LRRTM4: variants seen among roughly 807,000 people sequenced by gnomAD.
LRRTM4 encodes the protein leucine-rich repeat transmembrane neuronal protein 4.
A neutral mutation model predicts 47.6 loss-of-function variants in LRRTM4; 25 were observed. The observed-to-expected ratio is 0.53, with a 90% CI of 0.38 to 0.73. The LOEUF (loss-of-function observed/expected upper bound fraction) is 0.73. Among genes scored for constraint, LRRTM4 ranks in the 30% least tolerant of loss-of-function variants. The pLI is 0.00. For synonymous variants in LRRTM4, 311 were observed against 269.5 expected, an observed-to-expected ratio of 1.15 and a Z score of -1.51; for missense variants, 638 against 713.4, an observed-to-expected ratio of 0.89 and a Z score of 1.20.
rs76653108 is a variant in LRRTM4, at chr2:76,862,636, C to T, written c.1552-113720G>A. Among the ~76,000 whole-genome samples the T allele has an allele frequency of 3.8e-3, 578 of 152,226 alleles. 3 individuals are homozygous for T. Among genetic ancestry groups the T allele is most frequent in the African/African-American group, 0.014 (562 of 41,546 alleles). On this transcript the variant is annotated intron_variant, in intron 3 of 3. Coordinates refer to ENST00000409884, the MANE Select transcript of LRRTM4 (RefSeq NM_001134745.3). Reference sequence around the variant, plus strand: ...AGGGAAAATATCTCACACACGCGTGCGCGCGCACACACACACAAACACACA... The same window carrying T: ...AGGGAAAATATCTCACACACGCGTGTGCGCGCACACACACACAAACACACA...
intron 3 of LRRTM4, among the ~76,000 whole-genome samples, chr2:77,064,583 G>A (rs1017857191): frequency 1.3e-5 from 2 of 152,142 alleles, no homozygotes; most frequent in African/African-American, 4.8e-5. Context: ...AGAGAAGTAT[G>A]TGCATATCTT....
chr2:76,941,411 C>A (rs1307592981), intron 3 of LRRTM4, among the ~76,000 whole-genome samples: 3 of 151,962 alleles, frequency 2.0e-5, no homozygotes, highest in Non-Finnish European at 4.4e-5. Context: ...GTTTGCTGCA[C>A]CCATCAGCCC....
At chr2:76,804,136 G>T (rs981161290) in intron 3 of LRRTM4, among the ~76,000 whole-genome samples, 25 of 152,130 alleles carry the variant, frequency 1.6e-4, no homozygotes, top group Non-Finnish European at 2.9e-4. Context: ...ACCTGTGAGT[G>T]TGACTACATG....
At chr2:77,016,298 A>C (rs1048810450) in intron 3 of LRRTM4, among the ~76,000 whole-genome samples, 1 of 151,468 alleles carries the variant, frequency 6.6e-6, no homozygotes, top group Non-Finnish European at 1.5e-5. Flanking sequence ...AGGCAAAAGA[A>C]TTGCTTGAAC....
At chr2:77,168,039 TA>T (rs554061694) in intron 3 of LRRTM4, among the ~76,000 whole-genome samples, 161 of 152,272 alleles carry the variant, frequency 1.1e-3, no homozygotes, top group Non-Finnish European at 2.0e-3. Flanking sequence ...GAATTTAAGA[TA>T]AATTTATATT....
At chr2:76,940,747 T>C (rs1471098425) in intron 3 of LRRTM4, among the ~76,000 whole-genome samples, 2 of 152,140 alleles carry the variant, frequency 1.3e-5, no homozygotes, top group Non-Finnish European at 2.9e-5. Flanking sequence ...TGAAAGTGAG[T>C]GTGTGGATGA....
intron 3 of LRRTM4, among the ~76,000 whole-genome samples, chr2:77,040,504 C>T (rs1678990995): frequency 6.6e-6 from 1 of 151,308 alleles, no homozygotes; most frequent in Non-Finnish European, 1.5e-5. Flanking sequence ...GGTCATCAAG[C>T]TTGTGTTTTG....
At chr2:77,175,877 T>C (rs1452666758) in intron 3 of LRRTM4, among the ~76,000 whole-genome samples, 1 of 152,104 alleles carries the variant, frequency 6.6e-6, no homozygotes, top group Non-Finnish European at 1.5e-5. Flanking sequence ...CAGGCTGGTC[T>C]CGAACTCCTG....
At chr2:76,907,897 T>C (rs370925733) in intron 3 of LRRTM4, among the ~76,000 whole-genome samples, 7 of 145,092 alleles carry the variant, frequency 4.8e-5, no homozygotes, top group East Asian at 2.1e-4. Flanking sequence ...GATTTACAGC[T>C]GAATTCTACC....
chr2:76,794,784 A>G (rs1378393028), intron 3 of LRRTM4, among the ~76,000 whole-genome samples: 3 of 152,114 alleles, frequency 2.0e-5, no homozygotes, highest in Admixed American at 6.6e-5. Flanking sequence ...CACAAACTGT[A>G]CCCACCAGAG....
intron 3 of LRRTM4, among the ~76,000 whole-genome samples, chr2:76,922,266 C>T (rs1674455441): frequency 6.6e-6 from 1 of 152,036 alleles, no homozygotes; most frequent in Admixed American, 6.6e-5. Flanking sequence ...ACTCACAGTT[C>T]TTCAGGCTTA....
chr2:76,822,556 C>T (rs1360828538), intron 3 of LRRTM4, among the ~76,000 whole-genome samples: 2 of 151,484 alleles, frequency 1.3e-5, no homozygotes, highest in African/African-American at 4.8e-5. Flanking sequence ...GCAAAAAGCT[C>T]ATTATATTCC....
chr2:76,801,385 A>T (rs1324658059), intron 3 of LRRTM4, among the ~76,000 whole-genome samples: 1 of 152,136 alleles, frequency 6.6e-6, no homozygotes, highest in Admixed American at 6.5e-5. Context: ...GAAATTGGAA[A>T]TCATCATTCT....
chr2:77,455,741 A>G (rs148981515), intron 3 of LRRTM4, among the ~76,000 whole-genome samples: 25 of 152,082 alleles, frequency 1.6e-4, no homozygotes, highest in African/African-American at 5.5e-4. Context: ...CAGAACCTCT[A>G]TACGCCAAAT....
intron 3 of LRRTM4, among the ~76,000 whole-genome samples, chr2:77,407,588 T>C (rs184386326): frequency 0.021 from 2,957 of 143,810 alleles, 84 homozygotes; most frequent in African/African-American, 0.065. Flanking sequence ...CATAATATGA[T>C]ATATTTGTAT....
In LRRTM4 at chr2:76,748,781, G is replaced by A. The variant is rs369290426; in HGVS notation, c.1687C>T (p.Leu563=). ...VSPEQDESPG[L]ELGRDHSFIA... ...AAGCTGTGGTCTCGGCCCAGCTCCA[G>A]GCCGGGGCTTTCGTCCTGCTCTGGA... The change falls in exon 4 of 4, where the codon CTG becomes TTG. Residue 563 remains leucine (L), a synonymous_variant. Coordinates refer to ENST00000409884, the MANE Select transcript of LRRTM4 (RefSeq NM_001134745.3). 338 of 1,614,006 alleles carry A rather than the reference G, an allele frequency of 2.1e-4. 2 individuals carry two copies. In the African/African-American group the frequency reaches 3.8e-3, roughly 18 times the overall value.
intron 3 of LRRTM4, among the ~76,000 whole-genome samples, chr2:76,893,571 G>A (rs1309244518): frequency 2.0e-5 from 3 of 151,292 alleles, no homozygotes; most frequent in Non-Finnish European, 3.0e-5. Flanking sequence ...CTAAATAATT[G>A]TGTAAGTCTA....
At chr2:76,788,709 C>G (rs1674811724) in intron 3 of LRRTM4, among the ~76,000 whole-genome samples, 1 of 152,082 alleles carries the variant, frequency 6.6e-6, no homozygotes, top group East Asian at 1.9e-4. Flanking sequence ...GTTCAGTGTC[C>G]TTTTATATCT....
intron 3 of LRRTM4, among the ~76,000 whole-genome samples, chr2:77,469,692 A>G (rs1023430477): frequency 1.3e-5 from 2 of 151,806 alleles, no homozygotes; most frequent in African/African-American, 4.8e-5. Context: ...AGATGATTGA[A>G]TTTTTTTTAT....
Sources: gnomAD v4.1 joint callset for allele counts (sites outside exome capture counted in the v4.1 genomes callset) on GRCh38, gnomAD v4.1.1 for gene constraint, MANE v1.5 for transcripts, NCBI Gene and HGNC (gene_info 2026-07-23, HGNC 2026-07-21) for gene names.